Variants in IGDCC4 observed in about 807,000 individuals in gnomAD.
The protein encoded by IGDCC4 is likely ortholog of mouse neighbor of Punc E11.
Under a neutral mutation model 116.6 loss-of-function variants are expected in IGDCC4, and 72 were observed. The observed-to-expected ratio is 0.62, with a 90% CI of 0.51 to 0.75. The LOEUF is 0.75. Ranked by LOEUF, IGDCC4 falls within the 30% of genes least tolerant of loss-of-function variation. The pLI is 0.00. For synonymous variants in IGDCC4, 709 were observed against 719.9 expected, an observed-to-expected ratio of 0.98 and a Z score of 0.24; for missense variants, 1,501 against 1,662.4, an observed-to-expected ratio of 0.90 and a Z score of 1.69.
chr15:65,403,400 G>T (rs184781975), intron 3 of IGDCC4, among the ~76,000 whole-genome samples: 294 of 152,210 alleles, frequency 1.9e-3, no homozygotes, highest in African/African-American at 6.8e-3. Context: ...ACTGAGGGTG[G>T]GAGGGACTGA....
intron 1 of IGDCC4, among the ~76,000 whole-genome samples, chr15:65,417,582 G>A (rs189021738): frequency 1.3e-5 from 2 of 152,184 alleles, no homozygotes. Context: ...CCCCATCATC[G>A]CAGTTATCAC....
Position 65,411,068 on chromosome 15 carries a change from C to T in IGDCC4, c.373G>A (p.Gly125Ser), listed in dbSNP as rs199723005. The change falls in exon 2 of 20, where the codon GGC (glycine) becomes AGC (serine). Residue 125 changes from glycine to serine, a missense_variant. Coordinates refer to ENST00000352385, the MANE Select transcript of IGDCC4 (RefSeq NM_020962.3). ...TGGCTGGCCAGCACTCCGAGGGGGC[C>T]GTGGGCTAGGCACGAATAGTTGCCT... Reference protein sequence around the residue: ...IEGNYSCLAHGPLGVLASQTA... With the variant: ...IEGNYSCLAHSPLGVLASQTA... 10 of 1,613,988 alleles carry T rather than the reference C, an allele frequency of 6.2e-6. No individual in the cohort carries two copies. The East Asian group carries it at 8.9e-5, about 14-fold the overall frequency.
rs1238180509 is a variant in IGDCC4 at position 65,411,151 on chromosome 15, T to G, written c.290A>C (p.Gln97Pro). The G allele has an allele frequency of 1.9e-6, 3 of 1,613,756 alleles. No individual in the cohort carries two copies. The East Asian group carries it at 6.7e-5, about 36-fold the overall frequency. ...GTCACTGCCATTGGGTGCTAGTGGC[T>G]GGGACAGCCACAGGGAACCATTGGG... Reference protein sequence around the residue: ...LLPNGSLWLSQPLAPNGSDES... With the variant: ...LLPNGSLWLSPPLAPNGSDES... The change falls in exon 2 of 20, where the codon CAG (glutamine) becomes CCG (proline). Residue 97 changes from glutamine to proline, a missense_variant. Around this residue, in one of 3 missense-constraint regions of IGDCC4, gnomAD observed 898 missense variants for 978.9 expected, o/e 0.92. Transcript: ENST00000352385.
intron 2 of IGDCC4, 154 bp downstream of exon 2, chr15:65,410,865 AC>A: frequency 1.6e-6 from 1 of 615,254 alleles, no homozygotes; most frequent in Non-Finnish European, 2.8e-6. Flanking sequence ...GATAGACAAT[AC>A]CAGGAAGAGA....
chr15:65,384,349 T>C lies in IGDCC4; in HGVS notation c.3413A>G (p.Asp1138Gly). 1 of 1,579,344 alleles carries C rather than the reference T, an allele frequency of 6.3e-7. No individual in the cohort carries two copies. Among genetic ancestry groups the C allele is most frequent in the Non-Finnish European group, 8.6e-7 (1 of 1,164,906 alleles). Residue 1138 changes from aspartate to glycine, a missense_variant, in exon 20 of 20, where the codon GAC becomes GGC. This residue lies in a region of IGDCC4 where 368 missense variants were observed against 355.6 expected (regional missense o/e 1.03). Transcript: ENST00000352385. This position sits in a 1 kb window ranked among gnomAD's most constrained non-coding sequence, Gnocchi z 4.9. The part of the protein sequence containing the change: ...QVEAEVIVHS[D>G]FSASNGNPDL... ...AGGGTTCCCGTTAGATGCACTAAAG[T>C]CAGAGTGGACAATGACTTCAGCCTC...
rs1374152938 is a variant in IGDCC4, at chr15:65,422,874, C to G, written c.-12G>C. On this transcript the variant is annotated 5_prime_UTR_variant, in exon 1 of 20. Transcript: ENST00000352385. ...TCCCCCCGCGCCATGGGGCTGGGCTCGGGCCGCCGCCGCCGCCGCCGCCTC... is the reference window on the plus strand; with the variant it reads ...TCCCCCCGCGCCATGGGGCTGGGCTGGGGCCGCCGCCGCCGCCGCCGCCTC... 11 of 1,117,846 alleles carry G rather than the reference C, an allele frequency of 9.8e-6. No homozygotes were observed. Among genetic ancestry groups the G allele is most frequent in the Non-Finnish European group, 6.6e-6 (6 of 914,080 alleles). The allele number at this position is 1,117,846 out of a possible 1,614,324, so 69.2% of individuals were successfully genotyped here.
chr15:65,396,218 C>T (rs1040229139), intron 6 of IGDCC4, 55 bp from the exon 7 acceptor site: 20 of 1,245,198 alleles, frequency 1.6e-5, no homozygotes, highest in Non-Finnish European at 1.8e-5. Flanking sequence ...AGGTCTCTGC[C>T]CCCCCCCCAG....
intron 9 of IGDCC4, 49 bp downstream of exon 9, chr15:65,394,362 C>T (rs1567083519): frequency 6.2e-7 from 1 of 1,608,632 alleles, no homozygotes; most frequent in Admixed American, 1.7e-5. Flanking sequence ...GACAGCTCTT[C>T]ACGTTGATCA....
chr15:65,402,414 C>T lies in IGDCC4; in HGVS notation c.637G>A (p.Val213Met), dbSNP rs143723846. The T allele has an allele frequency of 1.9e-4, 293 of 1,569,674 alleles. 2 individuals are homozygous for T. The highest frequency in any genetic ancestry group is 9.6e-4 in the East Asian group (41 of 42,904). The stretch of plus-strand genomic sequence containing the variant: ...TGCTGGCGAGCTGAGTTGGTGGCCA[C>T]GCAGCGGTAGGGGCCTGCATCACTC... Reference protein sequence around the residue: ...QESDAGPYRCVATNSARQHFS... With the variant: ...QESDAGPYRCMATNSARQHFS... The change falls in exon 4 of 20, where the codon GTG becomes ATG. Residue 213 changes from valine (V) to methionine (M), a missense_variant. Physicochemically the swap from Val to Met is conservative, Grantham distance 21. Coordinates refer to ENST00000352385, the MANE Select transcript of IGDCC4 (RefSeq NM_020962.3).
At position 65,394,539 on chromosome 15, in the gene IGDCC4, G is replaced by A; in HGVS notation, c.1586C>T (p.Ala529Val). Reference protein sequence around the residue: ...LVHTLDDVPSAAPQLSLSSPN... With the variant: ...LVHTLDDVPSVAPQLSLSSPN... ...GCTGGACAGGGAGAGCTGGGGTGCT[G>A]CACTGGGGACTGAGACAGAAGAACA... Residue 529 changes from alanine to valine, a missense_variant, in exon 9 of 20, where the codon GCA (alanine) becomes GTA (valine). Around this residue, in one of 3 missense-constraint regions of IGDCC4, gnomAD observed 898 missense variants for 978.9 expected, o/e 0.92. Coordinates refer to ENST00000352385, the MANE Select transcript of IGDCC4 (RefSeq NM_020962.3). 1 of 1,603,186 alleles carries A rather than the reference G, an allele frequency of 6.2e-7. No individual in the cohort carries two copies. The highest frequency in any genetic ancestry group is 2.2e-5 in the East Asian group (1 of 44,678).
chr15:65,384,966 G>A lies in IGDCC4; in HGVS notation c.3330C>T (p.Tyr1110=). The stretch of plus-strand genomic sequence containing the variant: ...CCAGGACGCTGACCTTTATGGCGTC[G>A]TACACCAGAGCCTGCAGCAACAGCG... ...GQTLLLQALV[Y]DAIKGNGRKK... The change falls in exon 19 of 20, where the codon TAC becomes TAT. Residue 1110 remains tyrosine (Y), a synonymous_variant. Coordinates refer to ENST00000352385, the MANE Select transcript of IGDCC4 (RefSeq NM_020962.3). The surrounding 1 kb of genome is among the most constrained non-coding windows in gnomAD (Gnocchi z 4.9). The A allele has an allele frequency of 1.2e-6, 2 of 1,609,664 alleles. No individual in the cohort carries two copies. The highest frequency in any genetic ancestry group is 1.7e-6 in the Non-Finnish European group (2 of 1,178,374).
chr15:65,384,896 C>T lies in IGDCC4; in HGVS notation c.3342+58G>A, dbSNP rs201690171. 6 of 1,548,786 alleles carry T rather than the reference C, an allele frequency of 3.9e-6. No homozygotes were observed. Among genetic ancestry groups the T allele is most frequent in the Middle Eastern group, 1.7e-4 (1 of 5,766 alleles). On this transcript the variant is annotated intron_variant, in intron 19 of 19. Transcript: ENST00000352385. The surrounding 1 kb of genome is among the most constrained non-coding windows in gnomAD (Gnocchi z 4.9). ...GTCTCCAGAGAACTCATTACTTCCT[C>T]TTCACAAGCACAGAGACCCTTTCCT... is the stretch of plus-strand genomic sequence containing the variant.
rs751094647 is a variant in IGDCC4, at chr15:65,395,813, C to T, written c.1348G>A (p.Glu450Lys). The T allele has an allele frequency of 1.1e-5, 17 of 1,511,654 alleles. No individual in the cohort carries two copies. The highest frequency in any genetic ancestry group is 8.4e-5 in the African/African-American group (6 of 71,312). 93.6% of individuals were successfully genotyped at this position (1,511,654 alleles called of 1,614,324 possible). A position where few individuals can be genotyped will look rare whatever the true frequency, so the allele number is the denominator to read the frequency against. The change falls in exon 7 of 20, where the codon GAG (glutamate) becomes AAG (lysine). Residue 450 changes from glutamate (E) to lysine (K), a missense_variant. Physicochemically the swap from Glu to Lys is moderately conservative, Grantham distance 56 (BLOSUM62 1). Around this residue, in one of 3 missense-constraint regions of IGDCC4, gnomAD observed 898 missense variants for 978.9 expected, o/e 0.92. Transcript: ENST00000352385. Reference protein sequence around the residue: ...LSSSAVLVAWERPEMHSEQII... With the variant: ...LSSSAVLVAWKRPEMHSEQII... ...TGCTCGCTGTGCATCTCGGGCCGCT[C>T]CCAGGCCACCAACACAGCGGAGCTG...
rs1265775416 is a variant in IGDCC4 at position 65,382,029 on chromosome 15, G to A, written c.*1980C>T. Reference sequence around the variant, plus strand: ...ACAAGAACATGAAAAATGACTATGTGGTATAATGCTAAGAGCCTACTGTTA... The same window carrying A: ...ACAAGAACATGAAAAATGACTATGTAGTATAATGCTAAGAGCCTACTGTTA... On this transcript the variant is annotated 3_prime_UTR_variant, in exon 20 of 20. Coordinates refer to ENST00000352385, the MANE Select transcript of IGDCC4 (RefSeq NM_020962.3). 1 of 152,210 alleles carries A rather than the reference G, an allele frequency of 6.6e-6. No individual in the cohort carries two copies. Among genetic ancestry groups the A allele is most frequent in the East Asian group, 1.9e-4 (1 of 5,194 alleles). 9.4% of individuals were successfully genotyped at this position (152,210 alleles called of 1,614,324 possible).
intron 12 of IGDCC4, among the ~76,000 whole-genome samples, chr15:65,391,289 C>T (rs1331187648): frequency 2.6e-5 from 4 of 152,248 alleles, no homozygotes; most frequent in South Asian, 4.2e-4. Context: ...CTCTGCTAAA[C>T]CATGTGGCTG....
In IGDCC4 at chr15:65,410,581, T is replaced by C. The variant is rs1595792198; in HGVS notation, c.422-262A>G. 5.6e-6 allele frequency: 3 copies of C among 532,450 alleles called. No homozygotes were observed. The East Asian group carries it at 9.8e-5, about 17-fold the overall frequency. The allele number at this position is 532,450 out of a possible 1,614,324, so 33.0% of individuals were successfully genotyped here. A position where few individuals can be genotyped will look rare whatever the true frequency, so the allele number is the denominator to read the frequency against. ...TATACAGTAAGATGCACACTTCTTCTGGCCTGAAAGTTACTTCATGGTGAT... is the reference window on the plus strand; with the variant it reads ...TATACAGTAAGATGCACACTTCTTCCGGCCTGAAAGTTACTTCATGGTGAT... On this transcript the variant is annotated intron_variant, in intron 2 of 19. Coordinates refer to ENST00000352385, the MANE Select transcript of IGDCC4 (RefSeq NM_020962.3).
chr15:65,388,342 C>T (rs1397145188), intron 16 of IGDCC4, 107 bp downstream of exon 16: 12 of 1,487,620 alleles, frequency 8.1e-6, no homozygotes, highest in African/African-American at 5.5e-5. Flanking sequence ...GCTCTGCCCC[C>T]ACCAAACCTG....
At position 65,400,717 on chromosome 15, in the gene IGDCC4, G is replaced by A. The variant is rs1054302021; in HGVS notation, c.841+89C>T. 13 of 1,476,718 alleles carry A rather than the reference G, an allele frequency of 8.8e-6. No homozygotes were observed. The East Asian group carries it at 9.2e-5, about 11-fold the overall frequency. The allele number at this position is 1,476,718 out of a possible 1,614,324, so 91.5% of individuals were successfully genotyped here. ...CCAGAAGGTTCGTGACCACTGGGTC[G>A]TCACCCATACATCCCCCTGACTTAG... is the stretch of plus-strand genomic sequence containing the variant. On this transcript the variant is annotated intron_variant, in intron 5 of 19. Transcript: ENST00000352385.
chr15:65,422,641 C>A (rs547854141), intron 1 of IGDCC4, 152 bp downstream of exon 1: 192 of 494,312 alleles, frequency 3.9e-4, no homozygotes, highest in African/African-American at 3.6e-3. Flanking sequence ...AGCTCGCAGA[C>A]CCCCGCGCAG....
Sources: allele counts gnomAD v4.1 joint callset (sites outside exome capture counted in the v4.1 genomes callset), GRCh38; gene constraint gnomAD v4.1.1; regional missense constraint gnomAD v4.1.1; non-coding constraint Gnocchi (gnomAD v3.1); transcripts MANE v1.5; gene names NCBI Gene and HGNC (gene_info 2026-07-23, HGNC 2026-07-21).